Variants in SERPINE2 observed in about 807,000 individuals in gnomAD.
SERPINE2 encodes serpin family E member 2.
Under a neutral mutation model 36.3 loss-of-function variants are expected in SERPINE2, and 14 were observed. The ratio of observed to expected loss-of-function variants is 0.39; its 90% CI spans 0.25 to 0.60. The LOEUF (loss-of-function observed/expected upper bound fraction) is 0.60. SERPINE2 is among the 20% of genes least tolerant of loss of function. The pLI is 0.57. For missense variants in SERPINE2, 418 were observed against 499.6 expected (o/e 0.84, Z 1.56); for synonymous variants, 192 against 191.8 (o/e 1.00, Z -0.01).
chr2:224,029,726 G>C (rs1201113019), intron 1 of SERPINE2, among the ~76,000 whole-genome samples: 5 of 152,156 alleles, frequency 3.3e-5, no homozygotes, highest in Admixed American at 6.5e-5. Context: ...TTGAGACAGA[G>C]CCTCCCTCTG....
At chr2:224,019,242 G>A (rs767822259) in intron 1 of SERPINE2, among the ~76,000 whole-genome samples, 38 of 113,952 alleles carry the variant, frequency 3.3e-4, no homozygotes, top group Non-Finnish European at 5.6e-4. Context: ...AATAACAATA[G>A]TACAATAATA....
Position 224,001,883 on chromosome 2 carries a change from G to C in SERPINE2, c.18C>G (p.Pro6=), listed in dbSNP as rs1208937631. The C allele has an allele frequency of 8.7e-6, 14 of 1,613,302 alleles. No homozygotes were observed. Among genetic ancestry groups the C allele is most frequent in the Non-Finnish European group, 1.2e-5 (14 of 1,179,390 alleles). The stretch of plus-strand genomic sequence containing the variant: ...GCGTCACAGAGGCCAAGAGGAAGAG[G>C]GGGAGATGCCAGTTCATGGTTCCTT... MNWHL[P]LFLLASVTLP... is the part of the protein sequence containing the mutation. The change falls in exon 2 of 9, where the codon CCC becomes CCG. Residue 6 remains proline (P), a synonymous_variant. Transcript: ENST00000409304.
At chr2:223,990,490 T>G (rs955843687) in intron 4 of SERPINE2, among the ~76,000 whole-genome samples, 13 of 152,170 alleles carry the variant, frequency 8.5e-5, no homozygotes, top group African/African-American at 3.1e-4. Flanking sequence ...ATGGAATCCT[T>G]GCATTTTAAT....
At chr2:223,985,046 C>A in intron 4 of SERPINE2, 96 bp from the exon 5 acceptor site, 2 of 1,017,628 alleles carry the variant, frequency 2.0e-6, no homozygotes, top group South Asian at 1.4e-5. Context: ...GAGAGCAACT[C>A]AGTTGGAGAA....
intron 1 of SERPINE2, among the ~76,000 whole-genome samples, chr2:224,024,143 G>C (rs1309866885): frequency 6.6e-6 from 1 of 152,226 alleles, no homozygotes; most frequent in Non-Finnish European, 1.5e-5. Context: ...AAGGGAATGA[G>C]GGATGGGGAA....
chr2:224,023,295 C>T (rs1053455654), intron 1 of SERPINE2, among the ~76,000 whole-genome samples: 2 of 152,206 alleles, frequency 1.3e-5, no homozygotes, highest in African/African-American at 4.8e-5. Flanking sequence ...GACAAACTCC[C>T]AAGTTTGTCT....
chr2:223,998,630 C>A (rs1408273963), intron 2 of SERPINE2, among the ~76,000 whole-genome samples: 1 of 152,072 alleles, frequency 6.6e-6, no homozygotes, highest in Non-Finnish European at 1.5e-5. Flanking sequence ...GTGGGAGGAT[C>A]GCTGGAGCCT....
chr2:224,034,992 T>C (rs541732996), intron 1 of SERPINE2, among the ~76,000 whole-genome samples: 1 of 152,224 alleles, frequency 6.6e-6, no homozygotes, highest in Non-Finnish European at 1.5e-5. Context: ...TGATATGACA[T>C]GGCCACTCCT....
At chr2:224,032,585 T>G (rs2106204300) in intron 1 of SERPINE2, among the ~76,000 whole-genome samples, 1 of 152,342 alleles carries the variant, frequency 6.6e-6, no homozygotes, top group East Asian at 1.9e-4. Flanking sequence ...GATGGGATTT[T>G]TTCTTTTATA....
Position 223,995,877 on chromosome 2 carries a change from T to C in SERPINE2, c.487+2238A>G, listed in dbSNP as rs377126583. Among the ~76,000 whole-genome samples the C allele has an allele frequency of 1.7e-4, 26 of 152,332 alleles. 1 individual carries two copies. The highest frequency in any genetic ancestry group is 6.3e-4 in the African/African-American group (26 of 41,580). On this transcript the variant is annotated intron_variant, in intron 3 of 8. Coordinates refer to ENST00000409304, the MANE Select transcript of SERPINE2 (RefSeq NM_001136528.2). The stretch of plus-strand genomic sequence containing the variant: ...CTGAGACTCTGACTACTTTATTACG[T>C]ATTTGAGTGTAGTTGTACCCAAGGG...
At chr2:223,997,874 C>G (rs749247551) in intron 3 of SERPINE2, among the ~76,000 whole-genome samples, 1 of 152,152 alleles carries the variant, frequency 6.6e-6, no homozygotes, top group Non-Finnish European at 1.5e-5. Flanking sequence ...GGAGAGGAGA[C>G]AGTGGAGGGG....
intron 6 of SERPINE2, chr2:223,982,237 T>G (rs1690249872): frequency 6.5e-6 from 1 of 152,914 alleles, no homozygotes; most frequent in Non-Finnish European, 1.5e-5. Flanking sequence ...CCAAATACTG[T>G]ATGTTCTCGC....
intron 1 of SERPINE2, among the ~76,000 whole-genome samples, chr2:224,028,410 G>C (rs1372597469): frequency 6.6e-6 from 1 of 152,196 alleles, no homozygotes; most frequent in Non-Finnish European, 1.5e-5. Flanking sequence ...CCTGGGGTTT[G>C]AAACCAAGTT....
At chr2:223,977,909 C>T (rs1690072119) in intron 7 of SERPINE2, 1 of 345,878 alleles carries the variant, frequency 2.9e-6, no homozygotes, top group African/African-American at 2.1e-5. Flanking sequence ...AATTAAATGA[C>T]ATAATTAAAT....
intron 5 of SERPINE2, among the ~76,000 whole-genome samples, chr2:223,983,230 G>C (rs116807025): frequency 1.3e-5 from 2 of 152,194 alleles, no homozygotes; most frequent in Non-Finnish European, 2.9e-5. Context: ...TCAAAAGAGA[G>C]GAGAAACATT....
At chr2:224,016,089 T>A (rs2083122) in intron 1 of SERPINE2, among the ~76,000 whole-genome samples, 1 of 152,236 alleles carries the variant, frequency 6.6e-6, no homozygotes, top group Admixed American at 6.5e-5. Flanking sequence ...GATGTCACTA[T>A]ATGTCCAGAT....
chr2:223,980,242 C>T (rs944567724), intron 7 of SERPINE2, 69 bp downstream of exon 7: 6 of 1,309,464 alleles, frequency 4.6e-6, no homozygotes, highest in African/African-American at 1.5e-5. Flanking sequence ...ATTTGCTCAA[C>T]CAATGAGTAT....
intron 1 of SERPINE2, among the ~76,000 whole-genome samples, chr2:224,025,718 C>T (rs1692160521): frequency 6.6e-6 from 1 of 152,210 alleles, no homozygotes; most frequent in South Asian, 2.1e-4. Context: ...AGTTGCCTAT[C>T]ACACAGCACT....
At chr2:224,009,862 C>T (rs749628694) in intron 1 of SERPINE2, among the ~76,000 whole-genome samples, 3 of 152,198 alleles carry the variant, frequency 2.0e-5, no homozygotes, top group Non-Finnish European at 4.4e-5. Flanking sequence ...ATTCTAGAAA[C>T]TCTTCAGGAG....
Sources: allele counts gnomAD v4.1 joint callset (sites outside exome capture counted in the v4.1 genomes callset), GRCh38; gene constraint gnomAD v4.1.1; transcripts MANE v1.5; gene names NCBI Gene and HGNC (gene_info 2026-07-23, HGNC 2026-07-21).